The following IL1RAPL1 variants were observed in gnomAD, a reference collection of about 807,000 sequenced individuals.
The protein encoded by IL1RAPL1 is interleukin 1 receptor accessory protein like 1, also known as interleukin-1 receptor accessory protein-like 1.
In IL1RAPL1, 3 loss-of-function variants were observed where a neutral mutation model predicts 48.4. The observed-to-expected ratio is 0.06, with a 90% CI of 0.03 to 0.16. IL1RAPL1 has a LOEUF of 0.16. IL1RAPL1 is among the 10% of genes least tolerant of loss of function. IL1RAPL1 has a pLI of 1.00. For missense variants in IL1RAPL1, 349 were observed against 530.6 expected (o/e 0.66, Z 3.36); for synonymous variants, 185 against 187.7 (o/e 0.99, Z 0.12).
chrX:29,125,698 A>G (rs138085313), intron 2 of IL1RAPL1, among the ~76,000 whole-genome samples: 226 of 111,316 alleles, frequency 2.0e-3, no homozygotes, highest in African/African-American at 7.1e-3. Context: ...TAGGGTATAG[A>G]ACATCAGGAG....
intron 2 of IL1RAPL1, among the ~76,000 whole-genome samples, chrX:28,823,699 A>G (rs1332948197): frequency 9.0e-6 from 1 of 111,047 alleles, no homozygotes; most frequent in East Asian, 2.9e-4. Flanking sequence ...TCTAGCTTCT[A>G]AGAGAGGCCT....
chrX:29,798,101 T>C (rs755681037), intron 6 of IL1RAPL1, among the ~76,000 whole-genome samples: 1 of 111,728 alleles, frequency 9.0e-6, no homozygotes, highest in East Asian at 2.8e-4. Context: ...AGAACTACCA[T>C]GCTAAGACAA....
chrX:28,937,501 A>G (rs1924047450), intron 2 of IL1RAPL1, among the ~76,000 whole-genome samples: 2 of 111,524 alleles, frequency 1.8e-5, no homozygotes, highest in South Asian at 7.5e-4. Flanking sequence ...AATTAATGAC[A>G]GAGTCAGGAA....
intron 5 of IL1RAPL1, among the ~76,000 whole-genome samples, chrX:29,627,865 C>G (rs1371752364): frequency 5.4e-5 from 6 of 112,042 alleles, no homozygotes; most frequent in African/African-American, 1.9e-4. Context: ...AAACTGCCAC[C>G]AATGCTACTG....
intron 6 of IL1RAPL1, among the ~76,000 whole-genome samples, chrX:29,727,271 C>T (rs1472258036): frequency 1.8e-5 from 2 of 111,756 alleles, no homozygotes; most frequent in African/African-American, 6.5e-5. Context: ...GACTTTCCAT[C>T]GGGGGAAATG....
intron 1 of IL1RAPL1, among the ~76,000 whole-genome samples, chrX:28,713,546 T>C (rs971175444): frequency 1.8e-5 from 2 of 111,305 alleles, no homozygotes; most frequent in Non-Finnish European, 3.8e-5. Context: ...AAAAGTCTTA[T>C]ATATGATGGG....
intron 2 of IL1RAPL1, among the ~76,000 whole-genome samples, chrX:28,891,013 T>C (rs756871711): frequency 1.8e-5 from 2 of 112,383 alleles, no homozygotes; most frequent in South Asian, 7.3e-4. Context: ...GGCATGTATG[T>C]ATAACCAATT....
intron 1 of IL1RAPL1, among the ~76,000 whole-genome samples, chrX:28,755,838 G>T (rs1359888557): frequency 9.0e-6 from 1 of 111,283 alleles, no homozygotes; most frequent in Non-Finnish European, 1.9e-5. Context: ...TTACTTGGAG[G>T]GTTTGCTGAA....
chrX:29,064,872 C>T (rs888648074), intron 2 of IL1RAPL1, among the ~76,000 whole-genome samples: 6 of 112,129 alleles, frequency 5.4e-5, no homozygotes, highest in Non-Finnish European at 1.1e-4. Context: ...TGAGCCATTG[C>T]GCCCGGCCGA....
chrX:29,028,292 G>GTTT (rs775964789), intron 2 of IL1RAPL1, among the ~76,000 whole-genome samples: 22 of 80,164 alleles, frequency 2.7e-4, no homozygotes, highest in East Asian at 7.9e-4. Flanking sequence ...TTTTTTGTTT[G>GTTT]TTTTTTTTTT....
chrX:28,939,533 G>T (rs1924111576), intron 2 of IL1RAPL1, among the ~76,000 whole-genome samples: 1 of 110,554 alleles, frequency 9.0e-6, no homozygotes, highest in Non-Finnish European at 1.9e-5. Context: ...GCCTACTTCA[G>T]GGTGGAGGGT....
At chrX:28,631,412 G>A (rs778205549) in intron 1 of IL1RAPL1, among the ~76,000 whole-genome samples, 48 of 111,812 alleles carry the variant, frequency 4.3e-4, no homozygotes, top group Non-Finnish European at 6.4e-4. Flanking sequence ...AGAGGTGTCC[G>A]ATACAAAGAG....
At chrX:28,652,459 A>G (rs1283942669) in intron 1 of IL1RAPL1, among the ~76,000 whole-genome samples, 1 of 111,709 alleles carries the variant, frequency 9.0e-6, no homozygotes, top group African/African-American at 3.3e-5. Context: ...ACCCTCATAC[A>G]ATCGATAATA....
intron 3 of IL1RAPL1, among the ~76,000 whole-genome samples, chrX:29,388,106 CAAAAAAAA>C (rs71862742): frequency 1.9e-5 from 1 of 51,716 alleles, no homozygotes; most frequent in Non-Finnish European, 3.4e-5. Context: ...AAGGTTAAGC[CAAAAAAAA>C]AAAAAAAAAA....
At chrX:29,802,132 A>G (rs1346077296) in intron 6 of IL1RAPL1, among the ~76,000 whole-genome samples, 1 of 111,528 alleles carries the variant, frequency 9.0e-6, no homozygotes, top group East Asian at 2.8e-4. Flanking sequence ...GTTTGATCCC[A>G]CTCATTTGAA....
intron 6 of IL1RAPL1, among the ~76,000 whole-genome samples, chrX:29,709,385 AT>A (rs958240857): frequency 2.7e-5 from 3 of 110,842 alleles, no homozygotes; most frequent in African/African-American, 6.6e-5. Flanking sequence ...TTCCAACACT[AT>A]TTTTTTTGGA....
intron 2 of IL1RAPL1, among the ~76,000 whole-genome samples, chrX:29,110,817 A>G (rs1928549544): frequency 9.0e-6 from 1 of 111,370 alleles, no homozygotes. Context: ...TTCTTCTGTT[A>G]TCTCTTGCCA....
In IL1RAPL1 at chrX:29,517,965, C is replaced by T. The variant is rs1602275143; in HGVS notation, c.703+118657C>T. Reference sequence around the variant, plus strand: ...GATCTTACTGTTAACTCTAATTTTTCCAGAGAGAAGAGGAAGAGGAACCGT... The same window carrying T: ...GATCTTACTGTTAACTCTAATTTTTTCAGAGAGAAGAGGAAGAGGAACCGT... On this transcript the variant is annotated intron_variant, in intron 5 of 10. Coordinates refer to ENST00000378993, the MANE Select transcript of IL1RAPL1 (RefSeq NM_014271.4). Among the ~76,000 whole-genome samples the T allele has an allele frequency of 4.5e-5, 5 of 111,578 alleles. 1 individual carries two copies. In the Admixed American group the frequency reaches 4.8e-4, roughly 11 times the overall value.
At chrX:29,816,009 AG>A (rs1930483726) in intron 6 of IL1RAPL1, among the ~76,000 whole-genome samples, 1 of 111,422 alleles carries the variant, frequency 9.0e-6, no homozygotes, top group Admixed American at 9.6e-5. Flanking sequence ...TCACACCTAG[AG>A]GGACTAGAAA....
Sources: gnomAD v4.1 joint callset for allele counts (sites outside exome capture counted in the v4.1 genomes callset) on GRCh38, gnomAD v4.1.1 for gene constraint, MANE v1.5 for transcripts, NCBI Gene and HGNC (gene_info 2026-07-23, HGNC 2026-07-21) for gene names.